The following SCLT1 variants were observed in gnomAD, a reference collection of about 807,000 sequenced individuals.
SCLT1 encodes sodium channel-associated protein 1.
SCLT1 carries 78 observed loss-of-function variants against 112.8 expected under a neutral mutation model. The observed-to-expected ratio is 0.69, with a 90% confidence interval of 0.58 to 0.83. The LOEUF (loss-of-function observed/expected upper bound fraction) is 0.83. SCLT1 is among the 40% of genes least tolerant of loss of function. The probability of loss-of-function intolerance (pLI) is 0.00; values close to 1 mark genes in which losing one functional copy is unlikely to be tolerated. For synonymous variants in SCLT1, 257 were observed against 254.7 expected (o/e 1.01, Z -0.09); for missense variants, 747 against 770.4 (o/e 0.97, Z 0.36).
rs55707740 is a variant in SCLT1, at chr4:128,969,295, G to A, written c.777+1083C>T. Among the ~76,000 whole-genome samples, 581 of 152,110 alleles carry A rather than the reference G, an allele frequency of 3.8e-3. 1 individual carries two copies. Among genetic ancestry groups the A allele is most frequent in the African/African-American group, 0.011 (474 of 41,506 alleles). On this transcript the variant is annotated intron_variant, in intron 10 of 20. Coordinates refer to ENST00000281142, the MANE Select transcript of SCLT1 (RefSeq NM_144643.4). ...TTCTTTAAATTTCCTATTGCTGGCC[G>A]GGCGCGGTGGCTCACACCTGTAATC...
At chr4:128,898,337 T>G (rs577919698) in intron 18 of SCLT1, among the ~76,000 whole-genome samples, 1 of 152,284 alleles carries the variant, frequency 6.6e-6, no homozygotes, top group African/African-American at 2.4e-5. Flanking sequence ...CAGACCACAG[T>G]GCAATCAAAC....
intron 2 of SCLT1, among the ~76,000 whole-genome samples, chr4:129,074,136 C>G (rs553945308): frequency 6.6e-6 from 1 of 152,190 alleles, no homozygotes; most frequent in East Asian, 1.9e-4. Flanking sequence ...TGCTGTTTAT[C>G]TTGTTATTTG....
rs192439672 is a variant in SCLT1, at chr4:128,875,809, C to T, written n.355+698G>A. 7.2e-3 allele frequency among the ~76,000 whole-genome samples: 1,089 copies of T among 152,166 alleles called. 2 individuals carry two copies. The highest frequency in any genetic ancestry group is 0.011 in the Non-Finnish European group (779 of 67,994). ...GAAAAAATATTCCTGAATGATGGGA[C>T]GGTTGTATTTTTAATACAACCTTTA... is the stretch of plus-strand genomic sequence containing the variant. On this transcript the variant is annotated intron_variant and non_coding_transcript_variant, in intron 4 of 7. Coordinates refer to the SCLT1 transcript ENST00000503565.
chr4:128,986,076 C>A (rs1009397698), intron 9 of SCLT1, among the ~76,000 whole-genome samples: 1 of 152,158 alleles, frequency 6.6e-6, no homozygotes, highest in Non-Finnish European at 1.5e-5. Context: ...GAAAGAGGTA[C>A]CGATGAGTGT....
At chr4:128,945,823 T>G (rs574410766) in intron 16 of SCLT1, among the ~76,000 whole-genome samples, 184 bp downstream of exon 16, 2 of 152,240 alleles carry the variant, frequency 1.3e-5, no homozygotes, top group Admixed American at 1.3e-4. Context: ...CTGTTAAATC[T>G]TTTCTTCCTG....
chr4:129,088,360 A>G (rs140153142), intron 1 of SCLT1, among the ~76,000 whole-genome samples: 15 of 152,324 alleles, frequency 9.8e-5, no homozygotes, highest in African/African-American at 3.1e-4. Flanking sequence ...TTAAGAATAG[A>G]AAGGAACATT....
chr4:129,016,190 C>A (rs544726142), intron 5 of SCLT1, among the ~76,000 whole-genome samples: 1 of 152,150 alleles, frequency 6.6e-6, no homozygotes, highest in Non-Finnish European at 1.5e-5. Context: ...ATTTTAAGAT[C>A]TGGGATACAC....
chr4:129,067,816 A>C (rs1750624351), intron 2 of SCLT1, among the ~76,000 whole-genome samples: 1 of 151,836 alleles, frequency 6.6e-6, no homozygotes, highest in African/African-American at 2.4e-5. Flanking sequence ...CTGGCAAAGA[A>C]GTAATATTTT....
intron 5 of SCLT1, among the ~76,000 whole-genome samples, chr4:129,024,890 T>C (rs1322926959): frequency 3.4e-5 from 5 of 147,232 alleles, no homozygotes; most frequent in East Asian, 2.0e-4. Flanking sequence ...GCTCGAGAAC[T>C]ACGTGAAGAA....
chr4:128,908,244 G>C (rs1485696280), intron 18 of SCLT1, among the ~76,000 whole-genome samples: 1 of 152,116 alleles, frequency 6.6e-6, no homozygotes, highest in East Asian at 1.9e-4. Context: ...ACTCTCTTAT[G>C]ACAAATTAAC....
intron 5 of SCLT1, among the ~76,000 whole-genome samples, chr4:129,029,407 C>T (rs1261094917): frequency 6.6e-6 from 1 of 151,872 alleles, no homozygotes; most frequent in African/African-American, 2.4e-5. Context: ...AACCATCATT[C>T]TCAGCAAACT....
At chr4:129,057,149 G>A (rs1243865096) in intron 2 of SCLT1, among the ~76,000 whole-genome samples, 1 of 152,116 alleles carries the variant, frequency 6.6e-6, no homozygotes, top group Non-Finnish European at 1.5e-5. Context: ...ACTGACTTGT[G>A]TATGTTGAAC....
chr4:128,987,390 T>C (rs972626785), intron 9 of SCLT1, among the ~76,000 whole-genome samples: 4 of 152,206 alleles, frequency 2.6e-5, no homozygotes, highest in Admixed American at 6.5e-5. Flanking sequence ...CGGAGATATG[T>C]GACATTTCAC....
At chr4:129,026,809 C>T (rs971539037) in intron 5 of SCLT1, among the ~76,000 whole-genome samples, 13 of 151,876 alleles carry the variant, frequency 8.6e-5, no homozygotes, top group African/African-American at 3.1e-4. Flanking sequence ...GCTAGCAAGA[C>T]TAATAAAGAA....
At chr4:128,895,469 A>T (rs1230476820) in intron 18 of SCLT1, among the ~76,000 whole-genome samples, 1 of 152,144 alleles carries the variant, frequency 6.6e-6, no homozygotes, top group Non-Finnish European at 1.5e-5. Context: ...TTACCTCAGG[A>T]TCAGGTTTAT....
chr4:128,996,523 T>C (rs1023506982), intron 8 of SCLT1, among the ~76,000 whole-genome samples: 3 of 152,170 alleles, frequency 2.0e-5, no homozygotes, highest in African/African-American at 7.2e-5. Flanking sequence ...CATAACTATG[T>C]TCTGAATGCT....
intron 6 of SCLT1, among the ~76,000 whole-genome samples, chr4:129,001,762 C>A (rs1218836519): frequency 2.6e-5 from 4 of 151,988 alleles, no homozygotes; most frequent in Non-Finnish European, 5.9e-5. Flanking sequence ...AACATATATA[C>A]ACTACACAGC....
At chr4:129,055,479 T>A (rs1221477526) in intron 2 of SCLT1, among the ~76,000 whole-genome samples, 1 of 152,172 alleles carries the variant, frequency 6.6e-6, no homozygotes, top group African/African-American at 2.4e-5. Flanking sequence ...AGATACCCTA[T>A]GAACATGAAT....
At chr4:129,024,949 G>C (rs1745892017) in intron 5 of SCLT1, among the ~76,000 whole-genome samples, 1 of 152,208 alleles carries the variant, frequency 6.6e-6, no homozygotes, top group Non-Finnish European at 1.5e-5. Context: ...AAGGGTATCA[G>C]TGATGGAAGA....
Sources: allele counts gnomAD v4.1 joint callset (sites outside exome capture counted in the v4.1 genomes callset), GRCh38; gene constraint gnomAD v4.1.1; transcripts MANE v1.5; gene names NCBI Gene and HGNC (gene_info 2026-07-23, HGNC 2026-07-21).